FHOD3: variants seen among roughly 807,000 people sequenced by gnomAD.
FHOD3 encodes the protein formin homology 2 domain containing 3.
A neutral mutation model predicts 173.0 loss-of-function variants in FHOD3; 90 were observed. The observed-to-expected ratio is 0.52, with a 90% CI of 0.44 to 0.62. The LOEUF (loss-of-function observed/expected upper bound fraction) is 0.62. Ranked by LOEUF, FHOD3 falls within the 20% of genes least tolerant of loss-of-function variation. The pLI, the probability that FHOD3 is intolerant of heterozygous loss-of-function variation, is 0.00. For synonymous variants in FHOD3, 828 were observed against 823.0 expected (o/e 1.01, Z -0.10); for missense variants, 1,945 against 2,034.7 (o/e 0.96, Z 0.85).
At position 36,652,792 on chromosome 18, in the gene FHOD3, A is replaced by G; in HGVS notation, c.1509A>G (p.Pro503=). 2 of 1,535,850 alleles carry G rather than the reference A, an allele frequency of 1.3e-6. No individual in the cohort carries two copies. The highest frequency in any genetic ancestry group is 1.7e-6 in the Non-Finnish European group (2 of 1,146,702). The change falls in exon 12 of 29, where the codon CCA becomes CCG. Residue 503 remains proline, a synonymous_variant. Coordinates refer to ENST00000590592, the MANE Select transcript of FHOD3 (RefSeq NM_001281740.3). ...CTGCTCGGCCCTCCTCCGCCACACC[A>G]GGCTCCCTGAAGGTGTCACCGACCA... ...ASAARPSSAT[P]GSLKVSPTID... is the part of the protein sequence containing the mutation.
intron 17 of FHOD3, among the ~76,000 whole-genome samples, chr18:36,701,049 C>T (rs1291663296): frequency 6.6e-6 from 1 of 152,236 alleles, no homozygotes; most frequent in African/African-American, 2.4e-5. Context: ...GTGCCTCGGG[C>T]AGGGCACGTG....
chr18:36,422,347 T>C (rs2050030219), intron 3 of FHOD3, among the ~76,000 whole-genome samples: 1 of 152,190 alleles, frequency 6.6e-6, no homozygotes, highest in Admixed American at 6.5e-5. Flanking sequence ...TAATATTCAG[T>C]TCCATGTATA....
intron 5 of FHOD3, among the ~76,000 whole-genome samples, chr18:36,532,672 A>G (rs2056834322): frequency 6.6e-6 from 1 of 152,162 alleles, no homozygotes; most frequent in Non-Finnish European, 1.5e-5. Context: ...ATCAGTAGTT[A>G]CCACGTGTTG....
At chr18:36,575,659 G>C (rs16960073) in intron 5 of FHOD3, among the ~76,000 whole-genome samples, 1,570 of 152,308 alleles carry the variant, frequency 0.01, 28 homozygotes, top group African/African-American at 0.035. Context: ...TAGGAGCTTA[G>C]ATGTGACTGG....
At chr18:36,577,170 T>G (rs58775294) in intron 6 of FHOD3, among the ~76,000 whole-genome samples, 6,565 of 152,224 alleles carry the variant, frequency 0.043, 358 homozygotes, top group East Asian at 0.15. Context: ...ACATATATAT[T>G]TATATGTTGT....
At position 36,760,581 on chromosome 18, in the gene FHOD3, C is replaced by T. The variant is rs762891387; in HGVS notation, c.4450-27C>T. 10 of 1,536,538 alleles carry T rather than the reference C, an allele frequency of 6.5e-6. 1 individual carries two copies. Among genetic ancestry groups the T allele is most frequent in the Admixed American group, 1.9e-5 (1 of 51,932 alleles). ...TTGTCTTTTTGGGGAGTCTCCCTCACCTGCTAACTTCCCCTTGGTTTTGCA... is the reference window on the plus strand; with the variant it reads ...TTGTCTTTTTGGGGAGTCTCCCTCATCTGCTAACTTCCCCTTGGTTTTGCA... On this transcript the variant is annotated intron_variant, in intron 26 of 28. Coordinates refer to ENST00000590592, the MANE Select transcript of FHOD3 (RefSeq NM_001281740.3).
chr18:36,407,642 A>T (rs578256007), intron 3 of FHOD3, among the ~76,000 whole-genome samples: 1 of 152,330 alleles, frequency 6.6e-6, no homozygotes, highest in Admixed American at 6.5e-5. Flanking sequence ...CTCCGAAGAC[A>T]CATTTTCCTA....
intron 5 of FHOD3, among the ~76,000 whole-genome samples, chr18:36,540,287 T>C (rs926582576): frequency 5.9e-5 from 9 of 152,228 alleles, no homozygotes; most frequent in Non-Finnish European, 1.3e-4. Context: ...ATGTAATTCC[T>C]TCAACATTTC....
rs1300237657 is a variant in FHOD3, at chr18:36,641,911, C to CCA, written c.1197-7403_1197-7402dup. Among the ~76,000 whole-genome samples, 4 of 151,506 alleles carry CCA rather than the reference C, an allele frequency of 2.6e-5. 1 individual carries two copies. Among genetic ancestry groups the CCA allele is most frequent in the Admixed American group, 2.6e-4 (4 of 15,204 alleles). Reference sequence around the variant, plus strand: ...GAGGTTGCAGTGAGCCAAGATTGCGCCACTGCACTCCAGACTGAGCAACAG... The same window carrying CCA: ...GAGGTTGCAGTGAGCCAAGATTGCGCCACACTGCACTCCAGACTGAGCAACAG... On this transcript the variant is annotated intron_variant, in intron 10 of 28. Transcript: ENST00000590592.
intron 5 of FHOD3, among the ~76,000 whole-genome samples, chr18:36,525,945 A>G (rs191477477): frequency 2.0e-5 from 3 of 152,386 alleles, no homozygotes; most frequent in Admixed American, 2.0e-4. Context: ...AGAACATGGT[A>G]GCTTTATCAA....
chr18:36,742,872 C>G lies in FHOD3; in HGVS notation c.3879+16C>G. 4 of 1,605,500 alleles carry G rather than the reference C, an allele frequency of 2.5e-6. No homozygotes were observed. Among genetic ancestry groups the G allele is most frequent in the Non-Finnish European group, 3.4e-6 (4 of 1,177,010 alleles). The stretch of plus-strand genomic sequence containing the variant: ...TGGAACTAATGTAAGTCATCCCCAT[C>G]CCTCATCCTGTAGCCCCCCCTTGTC... On this transcript the variant is annotated intron_variant, in intron 22 of 28. Transcript: ENST00000590592.
At chr18:36,357,943 A>G (rs965536000) in intron 2 of FHOD3, among the ~76,000 whole-genome samples, 10 of 152,304 alleles carry the variant, frequency 6.6e-5, no homozygotes, top group Non-Finnish European at 2.9e-5. Context: ...GATAAAAGCA[A>G]TAAGAATAAA....
At chr18:36,401,181 G>C (rs1416061994) in intron 3 of FHOD3, among the ~76,000 whole-genome samples, 2 of 152,154 alleles carry the variant, frequency 1.3e-5, no homozygotes, top group Non-Finnish European at 2.9e-5. Context: ...GTATCAAAAG[G>C]TAGGGGCTTT....
chr18:36,678,686 G>T (rs1419125597), intron 14 of FHOD3, among the ~76,000 whole-genome samples: 3 of 151,480 alleles, frequency 2.0e-5, no homozygotes, highest in South Asian at 2.1e-4. Flanking sequence ...TAAACAAATG[G>T]TTGTTGAATT....
At position 36,770,186 on chromosome 18, in the gene FHOD3, C is replaced by T. The variant is rs139368072; in HGVS notation, c.4786+760C>T. Among the ~76,000 whole-genome samples, 21 of 152,276 alleles carry T rather than the reference C, an allele frequency of 1.4e-4. No homozygotes were observed. In the East Asian group the frequency reaches 3.5e-3, roughly 25 times the overall value. ...TGTTTCAGAAGAGCACTCAGCCAGCCGCTGGGTCACTCTAGAGGCTGCTTT... is the reference window on the plus strand; with the variant it reads ...TGTTTCAGAAGAGCACTCAGCCAGCTGCTGGGTCACTCTAGAGGCTGCTTT... On this transcript the variant is annotated intron_variant, in intron 28 of 28. Coordinates refer to ENST00000590592, the MANE Select transcript of FHOD3 (RefSeq NM_001281740.3).
intron 9 of FHOD3, among the ~76,000 whole-genome samples, chr18:36,617,905 A>G (rs1012324407): frequency 2.6e-5 from 4 of 152,134 alleles, no homozygotes; most frequent in South Asian, 2.1e-4. Context: ...GCTAAATTAC[A>G]TTTCCTAGGA....
intron 3 of FHOD3, among the ~76,000 whole-genome samples, chr18:36,425,038 C>A (rs892565453): frequency 1.3e-5 from 2 of 151,952 alleles, no homozygotes; most frequent in Non-Finnish European, 2.9e-5. Context: ...CCATAAAGTG[C>A]GTCCCCTAGG....
At chr18:36,575,916 T>A (rs1436401630) in intron 5 of FHOD3, among the ~76,000 whole-genome samples, 1 of 152,262 alleles carries the variant, frequency 6.6e-6, no homozygotes, top group East Asian at 1.9e-4. Flanking sequence ...ATGTTTTTAC[T>A]TGAAAATCTT....
chr18:36,547,219 G>C (rs1451774491), intron 5 of FHOD3, among the ~76,000 whole-genome samples: 1 of 152,176 alleles, frequency 6.6e-6, no homozygotes, highest in East Asian at 1.9e-4. Context: ...AGGCCGGCCT[G>C]TTCCTAGGTG....
Sources: gnomAD v4.1 joint callset for allele counts (sites outside exome capture counted in the v4.1 genomes callset) on GRCh38, gnomAD v4.1.1 for gene constraint, MANE v1.5 for transcripts, NCBI Gene and HGNC (gene_info 2026-07-23, HGNC 2026-07-21) for gene names.